The following RGS5 variants were observed in gnomAD, a reference collection of about 807,000 sequenced individuals.
RGS5 encodes the protein regulator of G protein signaling 5.
RGS5 carries 20 observed loss-of-function variants against 18.9 expected under a neutral mutation model. The ratio of observed to expected loss-of-function variants is 1.06; its 90% CI spans 0.74 to 1.54. The LOEUF (loss-of-function observed/expected upper bound fraction) is 1.54. Among genes scored for constraint, RGS5 ranks in the 40% most tolerant of loss-of-function variants. The probability of loss-of-function intolerance (pLI) is 0.00; values close to 1 mark genes in which losing one functional copy is unlikely to be tolerated. For missense variants in RGS5, 201 were observed against 211.8 expected, an observed-to-expected ratio of 0.95 and a Z score of 0.32; for synonymous variants, 57 against 76.2, an observed-to-expected ratio of 0.75 and a Z score of 1.31.
At chr1:163,253,228 A>C (rs1648164733) in intron 2 of RGS5, among the ~76,000 whole-genome samples, 1 of 152,180 alleles carries the variant, frequency 6.6e-6, no homozygotes, top group Non-Finnish European at 1.5e-5. Flanking sequence ...TGAAATCTAC[A>C]TACCAGTTCT....
At chr1:163,199,171 T>G (rs1449968847) in intron 1 of RGS5, among the ~76,000 whole-genome samples, 2 of 152,184 alleles carry the variant, frequency 1.3e-5, no homozygotes, top group Non-Finnish European at 2.9e-5. Flanking sequence ...TCATTGACAG[T>G]ATAAGATTCT....
At chr1:163,217,600 A>C (rs1660246403) in exon 1 of RGS5, 1 of 1,545,402 alleles carries the variant, frequency 6.5e-7, no homozygotes, top group Non-Finnish European at 8.7e-7. Flanking sequence ...CACATTTTTC[A>C]CTGAGGTTTT....
rs543943122 is a variant in RGS5 at position 163,290,075 on chromosome 1, G to C, written c.-281+16158C>G. Reference sequence around the variant, plus strand: ...CCCTATCTTTATAATAAAAGATTAGGGTGGGATAGCCAGCTTCTTTGTACG... The same window carrying C: ...CCCTATCTTTATAATAAAAGATTAGCGTGGGATAGCCAGCTTCTTTGTACG... On this transcript the variant is annotated intron_variant, in intron 2 of 5. Transcript: ENST00000618415. Among the ~76,000 whole-genome samples, 4 of 152,156 alleles carry C rather than the reference G, an allele frequency of 2.6e-5. No homozygotes were observed. In the South Asian group the frequency reaches 8.3e-4, roughly 32 times the overall value.
intron 2 of RGS5, chr1:163,305,150 T>C (rs1433928829): frequency 6.6e-6 from 1 of 152,236 alleles, no homozygotes; most frequent in African/African-American, 2.4e-5. Flanking sequence ...TAGGTCTGTT[T>C]CTCTGAAGTT....
upstream of RGS5, among the ~76,000 whole-genome samples, chr1:163,205,386 G>T (rs1294308496): frequency 7.0e-6 from 1 of 142,158 alleles, no homozygotes; most frequent in Non-Finnish European, 1.5e-5. Flanking sequence ...AGCCTACTAC[G>T]TAAAATAAAT....
At chr1:163,259,468 A>G (rs1176399509) in intron 2 of RGS5, among the ~76,000 whole-genome samples, 1 of 152,120 alleles carries the variant, frequency 6.6e-6, no homozygotes, top group Non-Finnish European at 1.5e-5. Flanking sequence ...CCAGCTACAC[A>G]GTGTTAGTCT....
rs1490710140 is a variant in RGS5, at chr1:163,147,424, T to C, written c.464A>G (p.Gln155Arg). The change falls in exon 5 of 5, where the codon CAG becomes CGG. Residue 155 changes from glutamine to arginine, a missense_variant. Physicochemically the swap from Gln to Arg is conservative, Grantham distance 43. Coordinates refer to ENST00000313961, the MANE Select transcript of RGS5 (RefSeq NM_003617.4). ...EPSLSSFDMA[Q>R]KRIHALMEKD... ...TTCCATCAGGGCATGGATTCTTTTC[T>C]GGGCCATGTCAAAGCTGCTCAGGGA... The C allele has an allele frequency of 1.2e-6, 2 of 1,613,432 alleles. No homozygotes were observed. The highest frequency in any genetic ancestry group is 2.2e-5 in the East Asian group (1 of 44,802).
At chr1:163,202,679 T>A (rs1659820886) in intron 1 of RGS5, 113 bp downstream of exon 1, 1 of 834,572 alleles carries the variant, frequency 1.2e-6, no homozygotes, top group Admixed American at 2.2e-5. Flanking sequence ...CAAGCACCTG[T>A]TTCACCTCAG....
rs143706002 is a variant in RGS5, at chr1:163,275,224, C to T, written c.-281+31009G>A. Among the ~76,000 whole-genome samples the T allele has an allele frequency of 1.3e-4, 20 of 152,300 alleles. 1 individual carries two copies. The East Asian group carries it at 3.5e-3, about 26-fold the overall frequency. ...TCTTTGTGCATGGCTCTGTATTCTACGGATGTATGGTAGGCTTGAGCCCAT... is the reference window on the plus strand; with the variant it reads ...TCTTTGTGCATGGCTCTGTATTCTATGGATGTATGGTAGGCTTGAGCCCAT... On this transcript the variant is annotated intron_variant, in intron 2 of 5. Transcript: ENST00000618415.
chr1:163,275,574 T>C (rs1324478412), intron 2 of RGS5, among the ~76,000 whole-genome samples: 2 of 152,212 alleles, frequency 1.3e-5, no homozygotes, highest in African/African-American at 2.4e-5. Flanking sequence ...AAAGCTGATA[T>C]AGTAATTTTC....
At chr1:163,154,766 A>G (rs1657517992) in intron 3 of RGS5, among the ~76,000 whole-genome samples, 1 of 151,426 alleles carries the variant, frequency 6.6e-6, no homozygotes, top group African/African-American at 2.4e-5. Flanking sequence ...AGAAAAATAT[A>G]AAACTTATTT....
intron 2 of RGS5, among the ~76,000 whole-genome samples, chr1:163,229,801 G>A (rs764976058): frequency 4.6e-5 from 7 of 152,048 alleles, no homozygotes; most frequent in Non-Finnish European, 7.3e-5. Flanking sequence ...CTCTCCTTAC[G>A]TCCTTCCTGC....
chr1:163,180,820 G>A (rs1454691449), intron 1 of RGS5, among the ~76,000 whole-genome samples: 2 of 146,776 alleles, frequency 1.4e-5, no homozygotes, highest in Non-Finnish European at 1.5e-5. Context: ...TCAGCCTCCC[G>A]AGTAGCTTGG....
chr1:163,171,033 G>A (rs1170329735), intron 1 of RGS5, among the ~76,000 whole-genome samples: 8 of 152,052 alleles, frequency 5.3e-5, no homozygotes. Context: ...CATAGAACAC[G>A]GCTTCTTTAA....
At chr1:163,289,914 A>G (rs1180695583) in intron 2 of RGS5, among the ~76,000 whole-genome samples, 1 of 152,198 alleles carries the variant, frequency 6.6e-6, no homozygotes, top group Non-Finnish European at 1.5e-5. Flanking sequence ...GCAAGCTAAA[A>G]GCCTGCATAG....
intron 1 of RGS5, among the ~76,000 whole-genome samples, chr1:163,176,208 G>A (rs562312181): frequency 1.3e-5 from 2 of 152,270 alleles, no homozygotes; most frequent in Admixed American, 6.5e-5. Context: ...AGCTACCCCA[G>A]GTTAGCTCAT....
intron 2 of RGS5, among the ~76,000 whole-genome samples, chr1:163,281,400 TAC>T (rs1308001794): frequency 6.6e-6 from 1 of 152,140 alleles, no homozygotes; most frequent in East Asian, 1.9e-4. Flanking sequence ...TCAGGAAGCT[TAC>T]AAGCATGGTA....
intron 1 of RGS5, among the ~76,000 whole-genome samples, chr1:163,310,051 G>A (rs764943198): frequency 5.3e-5 from 8 of 152,152 alleles, no homozygotes; most frequent in Admixed American, 1.3e-4. Flanking sequence ...TCAATAGGGA[G>A]CTTAAAATAT....
chr1:163,237,038 A>G (rs1647640578), intron 2 of RGS5, among the ~76,000 whole-genome samples: 1 of 152,220 alleles, frequency 6.6e-6, no homozygotes, highest in Non-Finnish European at 1.5e-5. Flanking sequence ...GCACATTGAA[A>G]CCACAATGAG....
Sources: gnomAD v4.1 joint callset for allele counts (sites outside exome capture counted in the v4.1 genomes callset) on GRCh38, gnomAD v4.1.1 for gene constraint, MANE v1.5 for transcripts, NCBI Gene and HGNC (gene_info 2026-07-23, HGNC 2026-07-21) for gene names.